Variants in ARHGEF12 observed in about 807,000 individuals in gnomAD.
ARHGEF12 encodes the protein KMT2A/ARHGEF12 fusion protein.
In ARHGEF12, 66 loss-of-function variants were observed where a neutral mutation model predicts 211.2. That is an observed-to-expected ratio of 0.31 (90% confidence interval 0.26 to 0.38). The LOEUF is 0.38. Ranked by LOEUF, ARHGEF12 falls within the 10% of genes least tolerant of loss-of-function variation. ARHGEF12 has a pLI of 1.00. For missense variants in ARHGEF12, 1,429 were observed against 1,869.5 expected (o/e 0.76, Z 4.34); for synonymous variants, 592 against 638.4 (o/e 0.93, Z 1.09).
rs532142973 is a variant in ARHGEF12 at position 120,360,156 on chromosome 11, A to T, written c.32+22881A>T. Among the ~76,000 whole-genome samples the T allele has an allele frequency of 2.0e-5, 3 of 152,234 alleles. No homozygotes were observed. The East Asian group carries it at 5.8e-4, about 30-fold the overall frequency. Reference sequence around the variant, plus strand: ...GATACTAAAGTGGACATTTCAGGCTATGTTAGATGTGGAACACTGCTAGGA... The same window carrying T: ...GATACTAAAGTGGACATTTCAGGCTTTGTTAGATGTGGAACACTGCTAGGA... On this transcript the variant is annotated intron_variant, in intron 1 of 40. Coordinates refer to ENST00000397843, the MANE Select transcript of ARHGEF12 (RefSeq NM_015313.3).
intron 1 of ARHGEF12, among the ~76,000 whole-genome samples, chr11:120,357,950 A>G (rs928020196): frequency 2.6e-5 from 4 of 152,198 alleles, no homozygotes; most frequent in Admixed American, 2.0e-4. Flanking sequence ...TGGCTAGAGC[A>G]TGGAGGTTGA....
intron 36 of ARHGEF12, among the ~76,000 whole-genome samples, chr11:120,477,836 C>T (rs1488103359): frequency 7.1e-6 from 1 of 140,870 alleles, no homozygotes; most frequent in Non-Finnish European, 1.5e-5. Context: ...CATTGCACTC[C>T]AGCCTGGGCA....
At chr11:120,443,509 C>T (rs1945947426) in intron 15 of ARHGEF12, among the ~76,000 whole-genome samples, 1 of 152,188 alleles carries the variant, frequency 6.6e-6, no homozygotes, top group Non-Finnish European at 1.5e-5. Context: ...AACAAACACA[C>T]ATTTTGGCTC....
chr11:120,449,461 G>T, intron 21 of ARHGEF12: 1 of 382,504 alleles, frequency 2.6e-6, no homozygotes, highest in Non-Finnish European at 4.7e-6. Flanking sequence ...AGCAGTTTGG[G>T]AGGCTGAGGC....
Position 120,337,192 on chromosome 11 carries a change from T to C in ARHGEF12, c.-52T>C. ...GAGCACTGGGGGTGGGGAGGAGGTGTTACTGTAAAATGCAAGTTGGATAAA... is the reference window on the plus strand; with the variant it reads ...GAGCACTGGGGGTGGGGAGGAGGTGCTACTGTAAAATGCAAGTTGGATAAA... On this transcript the variant is annotated 5_prime_UTR_variant, in exon 1 of 41. Transcript: ENST00000397843. 6.2e-7 allele frequency: 1 copy of C among 1,611,790 alleles called. No homozygotes were observed. The highest frequency in any genetic ancestry group is 8.5e-7 in the Non-Finnish European group (1 of 1,177,984).
intron 1 of ARHGEF12, among the ~76,000 whole-genome samples, chr11:120,345,177 A>G (rs572275258): frequency 4.6e-5 from 7 of 152,194 alleles, no homozygotes; most frequent in Non-Finnish European, 1.0e-4. Context: ...GATAAAACGG[A>G]AAGAGGGATG....
intron 1 of ARHGEF12, among the ~76,000 whole-genome samples, chr11:120,378,520 C>T (rs1943792665): frequency 2.0e-5 from 3 of 152,102 alleles, no homozygotes; most frequent in Admixed American, 2.0e-4. Flanking sequence ...ATTTTGTATT[C>T]ATGCTTCTTG....
intron 1 of ARHGEF12, among the ~76,000 whole-genome samples, chr11:120,403,801 G>C (rs1301555999): frequency 6.6e-6 from 1 of 152,178 alleles, no homozygotes; most frequent in African/African-American, 2.4e-5. Flanking sequence ...CGATCCAAAA[G>C]ATATTGTCAT....
chr11:120,407,669 T>C (rs1944750860), intron 2 of ARHGEF12, 69 bp from the exon 3 acceptor site: 1 of 1,216,952 alleles, frequency 8.2e-7, no homozygotes. Context: ...GATCCACTTT[T>C]AGAATTTTAA....
At chr11:120,414,897 G>A (rs1591561090) in intron 4 of ARHGEF12, among the ~76,000 whole-genome samples, 1 of 152,110 alleles carries the variant, frequency 6.6e-6, no homozygotes, top group Non-Finnish European at 1.5e-5. Flanking sequence ...TGCCTGTCAG[G>A]ATTACGTTTG....
At chr11:120,338,726 C>G (rs950010926) in intron 1 of ARHGEF12, among the ~76,000 whole-genome samples, 1 of 152,104 alleles carries the variant, frequency 6.6e-6, no homozygotes, top group East Asian at 1.9e-4. Flanking sequence ...TTCTGTTGAG[C>G]CTGTAAACAA....
intron 1 of ARHGEF12, among the ~76,000 whole-genome samples, chr11:120,403,805 T>C (rs1406792959): frequency 1.3e-5 from 2 of 152,188 alleles, no homozygotes; most frequent in Non-Finnish European, 2.9e-5. Flanking sequence ...CCAAAAGATA[T>C]TGTCATGATT....
chr11:120,459,156 T>C lies in ARHGEF12; in HGVS notation c.2381-18T>C. The C allele has an allele frequency of 6.3e-7, 1 of 1,581,246 alleles. No individual in the cohort carries two copies. Reference sequence around the variant, plus strand: ...TTGTTCTAAGTAAGGCAACATTTCATATCTCTTTCCTGTTCAGAATTGTTC... The same window carrying C: ...TTGTTCTAAGTAAGGCAACATTTCACATCTCTTTCCTGTTCAGAATTGTTC... On this transcript the variant is annotated intron_variant, in intron 25 of 40. Transcript: ENST00000397843.
At chr11:120,440,837 T>G (rs1048280873) in intron 13 of ARHGEF12, among the ~76,000 whole-genome samples, 1 of 152,184 alleles carries the variant, frequency 6.6e-6, no homozygotes, top group Admixed American at 6.5e-5. Flanking sequence ...AAGTATTTTT[T>G]AGAGGCTCTT....
Position 120,431,893 on chromosome 11 carries a change from C to T in ARHGEF12, c.906C>T (p.Pro302=), listed in dbSNP as rs763499269. 1 of 1,603,600 alleles carries T rather than the reference C, an allele frequency of 6.2e-7. No homozygotes were observed. The highest frequency in any genetic ancestry group is 8.5e-7 in the Non-Finnish European group (1 of 1,176,710). ...TDCSSGDASR[P]SSDNADSPKS... The stretch of plus-strand genomic sequence containing the variant: ...GTAGCAGTGGAGATGCTTCTCGGCC[C>T]AGTAGTGACAATGCAGATGTAAGCT... Residue 302 remains proline, a synonymous_variant, in exon 11 of 41, where the codon CCC becomes CCT. Coordinates refer to ENST00000397843, the MANE Select transcript of ARHGEF12 (RefSeq NM_015313.3).
intron 1 of ARHGEF12, among the ~76,000 whole-genome samples, chr11:120,349,560 G>A (rs889880657): frequency 6.6e-6 from 1 of 152,044 alleles, no homozygotes; most frequent in African/African-American, 2.4e-5. Flanking sequence ...TTGGTGTGTT[G>A]CATTTGTTCT....
chr11:120,347,274 G>C (rs1312329486), intron 1 of ARHGEF12, among the ~76,000 whole-genome samples: 14 of 90,026 alleles, frequency 1.6e-4, no homozygotes, highest in Middle Eastern at 5.0e-3. Flanking sequence ...CTCTGTCTGT[G>C]TGTGTGTGTG....
chr11:120,487,402 A>C lies in ARHGEF12; in HGVS notation c.*2325A>C, dbSNP rs910025662. 8 of 218,374 alleles carry C rather than the reference A, an allele frequency of 3.7e-5. No homozygotes were observed. Among genetic ancestry groups the C allele is most frequent in the Non-Finnish European group, 7.4e-5 (8 of 108,790 alleles). The allele number at this position is 218,374 out of a possible 1,614,324, so 13.5% of individuals were successfully genotyped here. ...CAAGATGAAGTCTAATTCTGAAAAT[A>C]TCTCACAATTTTTGAATGTTCTTTT... On this transcript the variant is annotated 3_prime_UTR_variant, in exon 41 of 41. Transcript: ENST00000397843.
chr11:120,410,664 T>G (rs767933468), intron 4 of ARHGEF12: 3 of 152,214 alleles, frequency 2.0e-5, no homozygotes, highest in Non-Finnish European at 2.9e-5. Context: ...TCTTCTATGT[T>G]AGATATATAC....
Sources: gnomAD v4.1 joint callset for allele counts (sites outside exome capture counted in the v4.1 genomes callset) on GRCh38, gnomAD v4.1.1 for gene constraint, MANE v1.5 for transcripts, NCBI Gene and HGNC (gene_info 2026-07-23, HGNC 2026-07-21) for gene names.